NRXN2: variants seen among roughly 807,000 people sequenced by gnomAD.
The protein encoded by NRXN2 is neurexin-2-beta.
A neutral mutation model predicts 128.8 loss-of-function variants in NRXN2; 29 were observed. The observed-to-expected ratio is 0.23, with a 90% CI of 0.17 to 0.31. The LOEUF (loss-of-function observed/expected upper bound fraction) is 0.31, where lower values mean the gene tolerates loss of function less well. Ranked by LOEUF, NRXN2 falls within the 10% of genes least tolerant of loss-of-function variation. The pLI is 1.00. For synonymous variants in NRXN2, 1,098 were observed against 1,075.2 expected (o/e 1.02, Z -0.41); for missense variants, 1,881 against 2,452.6 (o/e 0.77, Z 4.92).
intron 2 of NRXN2, chr11:64,712,765 C>A (rs1232466856): frequency 1.5e-6 from 1 of 685,438 alleles, no homozygotes; most frequent in Admixed American, 2.1e-5. Context: ...CAAGCCGGCC[C>A]CGCCCACTCG....
chr11:64,693,024 T>C, intron 3 of NRXN2, 148 bp from the exon 4 acceptor site: 1 of 738,602 alleles, frequency 1.4e-6, no homozygotes, highest in East Asian at 2.7e-5. Flanking sequence ...TTTAAAAACC[T>C]TTTTTAACTT....
chr11:64,663,509 G>T (rs1177489064), intron 9 of NRXN2, among the ~76,000 whole-genome samples: 1 of 152,100 alleles, frequency 6.6e-6, no homozygotes, highest in Non-Finnish European at 1.5e-5. Context: ...AGGGCTGGGG[G>T]CCCACTCCCC....
At chr11:64,614,671 C>T (rs946097593) in intron 22 of NRXN2, among the ~76,000 whole-genome samples, 3 of 152,262 alleles carry the variant, frequency 2.0e-5, no homozygotes. Flanking sequence ...GCTAGCAGCA[C>T]ACATTGGCCT....
intron 4 of NRXN2, 53 bp from the exon 5 acceptor site, chr11:64,690,529 C>A: frequency 6.6e-7 from 1 of 1,508,382 alleles, no homozygotes. Context: ...GCCAGTCCCT[C>A]CCCAGCCTTG....
chr11:64,643,283 A>G (rs2046047900), intron 17 of NRXN2: 1 of 969,378 alleles, frequency 1.0e-6, no homozygotes, highest in Admixed American at 7.0e-5. Flanking sequence ...CGGGAGACCG[A>G]CGGCGACTGG....
chr11:64,685,950 G>A lies in NRXN2; in HGVS notation c.851-3C>T. On this transcript the variant is annotated splice_region_variant and splice_polypyrimidine_tract_variant and intron_variant, in intron 5 of 22. Coordinates refer to ENST00000265459, the MANE Select transcript of NRXN2 (RefSeq NM_015080.4). ...GGTCGCCACAAACTCCTCCTTGCCT[G>A]GATGCCGTGGTGTGGGGAAACGGGA... 6.2e-7 allele frequency: 1 copy of A among 1,614,180 alleles called. No homozygotes were observed.
chr11:64,692,925 A>AAAAG, intron 3 of NRXN2, 49 bp from the exon 4 acceptor site: 1 of 1,463,086 alleles, frequency 6.8e-7, no homozygotes, highest in Non-Finnish European at 9.5e-7. Context: ...AGAAGAAGAA[A>AAAAG]AAAGAAAGAA....
At chr11:64,619,997 G>A (rs1433027282) in intron 22 of NRXN2, among the ~76,000 whole-genome samples, 1 of 152,130 alleles carries the variant, frequency 6.6e-6, no homozygotes, top group Non-Finnish European at 1.5e-5. Flanking sequence ...CATGGGAGCT[G>A]CAGTTACTCA....
chr11:64,696,925 A>C (rs911775406), intron 3 of NRXN2, among the ~76,000 whole-genome samples: 1 of 152,226 alleles, frequency 6.6e-6, no homozygotes, highest in Admixed American at 6.5e-5. Context: ...AGAAACAGGG[A>C]AAGCCAAATT....
At chr11:64,701,779 G>A (rs115542716) in intron 2 of NRXN2, among the ~76,000 whole-genome samples, 2,609 of 152,288 alleles carry the variant, frequency 0.017, 74 homozygotes, top group African/African-American at 0.059. Flanking sequence ...GGGAAGTGGG[G>A]GGATCAGCCC....
intron 15 of NRXN2, 105 bp downstream of exon 15, chr11:64,650,343 G>A (rs1396881332): frequency 8.6e-7 from 1 of 1,160,836 alleles, no homozygotes; most frequent in African/African-American, 1.5e-5. Flanking sequence ...GTGGAAACTG[G>A]GGGCAGGGAA....
At chr11:64,712,575 C>A in intron 2 of NRXN2, 1 of 378,866 alleles carries the variant, frequency 2.6e-6, no homozygotes, top group South Asian at 2.0e-5. Flanking sequence ...ATGGTCCCCG[C>A]CCACTGCCTT....
intron 3 of NRXN2, among the ~76,000 whole-genome samples, chr11:64,694,957 T>C (rs1353123486): frequency 1.3e-5 from 2 of 152,128 alleles, no homozygotes; most frequent in African/African-American, 2.4e-5. Flanking sequence ...ACCCTTCCAC[T>C]GCCCAGCTCC....
chr11:64,610,972 C>A (rs1467370674), intron 22 of NRXN2, among the ~76,000 whole-genome samples: 2 of 152,196 alleles, frequency 1.3e-5, no homozygotes, highest in Admixed American at 6.5e-5. Flanking sequence ...AACACCTCCT[C>A]TTCCAGGCAG....
At chr11:64,636,112 G>A (rs1277641867) in intron 17 of NRXN2, among the ~76,000 whole-genome samples, 1 of 152,004 alleles carries the variant, frequency 6.6e-6, no homozygotes, top group African/African-American at 2.4e-5. Context: ...GGTGGGGGTG[G>A]GGGAGGGGGG....
At chr11:64,696,526 CAT>C (rs1256206630) in intron 3 of NRXN2, among the ~76,000 whole-genome samples, 4 of 97,120 alleles carry the variant, frequency 4.1e-5, no homozygotes, top group East Asian at 2.9e-4. Flanking sequence ...CACATACATA[CAT>C]ACACACACAC....
chr11:64,693,315 CT>C (rs1182768503), intron 3 of NRXN2, among the ~76,000 whole-genome samples: 29 of 140,048 alleles, frequency 2.1e-4, no homozygotes, highest in East Asian at 4.2e-4. Flanking sequence ...TTCTTTTTTT[CT>C]TTTTTTTTTT....
In NRXN2 at chr11:64,713,130, C is replaced by T; in HGVS notation, c.570G>A (p.Ala190=). The T allele has an allele frequency of 7.0e-7, 1 of 1,432,062 alleles. No homozygotes were observed. 88.7% of individuals were successfully genotyped at this position (1,432,062 alleles called of 1,614,324 possible). ...CGCGCAGGCCCTGGCTGCCCAGCAG[C>T]GCGGGGGGCCGCTCGCCCAGCTTCA... ...ANLKLGERPP[A]LLGSQGLRGA... is the part of the protein sequence containing the mutation. Residue 190 remains alanine (A), a synonymous_variant, in exon 2 of 23, where the codon GCG becomes GCA. Transcript: ENST00000265459.
chr11:64,710,223 T>C (rs2056762579), intron 2 of NRXN2, among the ~76,000 whole-genome samples: 1 of 151,872 alleles, frequency 6.6e-6, no homozygotes, highest in African/African-American at 2.4e-5. Context: ...TTCTTTTTCT[T>C]ACATGACTCT....
Sources: gnomAD v4.1 joint callset for allele counts (sites outside exome capture counted in the v4.1 genomes callset) on GRCh38, gnomAD v4.1.1 for gene constraint, MANE v1.5 for transcripts, NCBI Gene and HGNC (gene_info 2026-07-23, HGNC 2026-07-21) for gene names.